The following GMPS variants were observed in gnomAD, a reference collection of about 807,000 sequenced individuals.
The protein encoded by GMPS is guanosine monophosphate synthase.
In GMPS, 15 loss-of-function variants were observed where a neutral mutation model predicts 77.9. The observed-to-expected ratio is 0.19, with a 90% CI of 0.13 to 0.30. The LOEUF is 0.30. Ranked by LOEUF, GMPS falls within the 10% of genes least tolerant of loss-of-function variation. The probability of loss-of-function intolerance (pLI) is 1.00; values close to 1 mark genes in which losing one functional copy is unlikely to be tolerated. For missense variants in GMPS, 590 were observed against 838.8 expected, an observed-to-expected ratio of 0.70 and a Z score of 3.66; for synonymous variants, 224 against 275.9, an observed-to-expected ratio of 0.81 and a Z score of 1.86.
chr3:155,935,147 G>T, intron 14 of GMPS, 101 bp downstream of exon 14: 1 of 785,698 alleles, frequency 1.3e-6, no homozygotes, highest in Non-Finnish European at 2.2e-6. Flanking sequence ...AGATGCTTTT[G>T]TTTTTATTAT....
At position 155,891,700 on chromosome 3, in the gene GMPS, G is replaced by A. The variant is rs1754471176; in HGVS notation, c.28-1818G>A. 2.7e-5 allele frequency among the ~76,000 whole-genome samples: 4 copies of A among 150,028 alleles called. 1 individual carries two copies. The South Asian group carries it at 8.4e-4, about 31-fold the overall frequency. On this transcript the variant is annotated intron_variant, in intron 1 of 15. Transcript: ENST00000496455. Reference sequence around the variant, plus strand: ...TGGCTCACGGCAACTTCCGCCTCCTGGGTTCAAGTGATTCTCCTGCCTCAG... The same window carrying A: ...TGGCTCACGGCAACTTCCGCCTCCTAGGTTCAAGTGATTCTCCTGCCTCAG...
intron 5 of GMPS, among the ~76,000 whole-genome samples, chr3:155,906,548 T>C (rs988853487): frequency 2.0e-5 from 3 of 152,230 alleles, no homozygotes; most frequent in Non-Finnish European, 2.9e-5. Flanking sequence ...ACTATACTTT[T>C]GTAACTCAGG....
intron 3 of GMPS, among the ~76,000 whole-genome samples, chr3:155,900,534 A>T (rs1023970165): frequency 1.3e-5 from 2 of 152,130 alleles, no homozygotes; most frequent in African/African-American, 4.8e-5. Context: ...ATCTCACAAG[A>T]TATATTTTTA....
intron 11 of GMPS, among the ~76,000 whole-genome samples, chr3:155,924,536 A>G (rs771504920): frequency 6.6e-6 from 1 of 152,174 alleles, no homozygotes; most frequent in Non-Finnish European, 1.5e-5. Flanking sequence ...AACTACTGCA[A>G]GAATAGAAAT....
intron 12 of GMPS, among the ~76,000 whole-genome samples, chr3:155,929,239 T>G (rs912516585): frequency 1.5e-4 from 22 of 151,224 alleles, no homozygotes; most frequent in African/African-American, 5.3e-4. Context: ...CTAACTGGTG[T>G]GAGATGGTAT....
In GMPS at chr3:155,897,909, T is replaced by C. The variant is rs2108081089; in HGVS notation, c.210-18T>C. The C allele has an allele frequency of 8.5e-7, 1 of 1,182,176 alleles. No individual in the cohort carries two copies. Among genetic ancestry groups the C allele is most frequent in the Admixed American group, 1.7e-5 (1 of 59,458 alleles). The allele number at this position is 1,182,176 out of a possible 1,614,324, so 73.2% of individuals were successfully genotyped here. On this transcript the variant is annotated intron_variant, in intron 2 of 15. Transcript: ENST00000496455. ...AAAATTAACAGAGATTCTTCACTGATTGTTCCTTAAATCACAGTGCTATTA... is the reference window on the plus strand; with the variant it reads ...AAAATTAACAGAGATTCTTCACTGACTGTTCCTTAAATCACAGTGCTATTA...
At position 155,905,349 on chromosome 3, in the gene GMPS, C is replaced by T. The variant is rs142593363; in HGVS notation, c.423-811C>T. 7.8e-4 allele frequency among the ~76,000 whole-genome samples: 119 copies of T among 152,250 alleles called. 1 individual carries two copies. Among genetic ancestry groups the T allele is most frequent in the African/African-American group, 2.5e-3 (102 of 41,562 alleles). ...GAGTTCTTAGTCAGATTTTCCATAACGTAAACAGTATATTTTTATGGTTGA... is the reference window on the plus strand; with the variant it reads ...GAGTTCTTAGTCAGATTTTCCATAATGTAAACAGTATATTTTTATGGTTGA... On this transcript the variant is annotated intron_variant, in intron 4 of 15. Transcript: ENST00000496455.
At chr3:155,880,604 T>C (rs1415606474) in intron 1 of GMPS, among the ~76,000 whole-genome samples, 1 of 152,234 alleles carries the variant, frequency 6.6e-6, no homozygotes, top group Non-Finnish European at 1.5e-5. Flanking sequence ...AATCAAGATA[T>C]AGAACATTTC....
At chr3:155,931,962 A>G (rs932854627) in intron 13 of GMPS, 82 bp downstream of exon 13, 18 of 687,646 alleles carry the variant, frequency 2.6e-5, no homozygotes, top group South Asian at 5.2e-5. Context: ...TGGAAGACCA[A>G]AAGGCTCAAA....
rs9868194 is a variant in GMPS, at chr3:155,870,906, G to T, written c.27+9G>T. Reference sequence around the variant, plus strand: ...GCAACGGAGACTCCAAGGTCAGCGTGGGGGTCCCTGCAGCACCGCATCCCG... The same window carrying T: ...GCAACGGAGACTCCAAGGTCAGCGTTGGGGTCCCTGCAGCACCGCATCCCG... On this transcript the variant is annotated intron_variant, in intron 1 of 15. Coordinates refer to ENST00000496455, the MANE Select transcript of GMPS (RefSeq NM_003875.3). The T allele has an allele frequency of 3.3e-3, 4,912 of 1,499,942 alleles. 126 individuals are homozygous for T. In the African/African-American group the frequency reaches 0.061, roughly 19 times the overall value. The allele number at this position is 1,499,942 out of a possible 1,614,324, so 92.9% of individuals were successfully genotyped here. A position where few individuals can be genotyped will look rare whatever the true frequency, so the allele number is the denominator to read the frequency against.
At chr3:155,897,627 C>G (rs1345899314) in intron 2 of GMPS, among the ~76,000 whole-genome samples, 1 of 152,144 alleles carries the variant, frequency 6.6e-6, no homozygotes. Flanking sequence ...ACAAGTAAAA[C>G]AAATCCATGC....
chr3:155,919,298 T>C lies in GMPS; in HGVS notation c.1278T>C (p.Leu426=). 1.3e-6 allele frequency: 2 copies of C among 1,595,972 alleles called. No homozygotes were observed. Among genetic ancestry groups the C allele is most frequent in the Non-Finnish European group, 1.7e-6 (2 of 1,168,596 alleles). ...AAGTGAGAATTTTGGGCAGAGAACT[T>C]GGACTTCCAGAAGAGTTAGTTTCCA... ...KDEVRILGRE[L]GLPEELVSRH... The change falls in exon 10 of 16, where the codon CTT becomes CTC. Residue 426 remains leucine, a synonymous_variant. Transcript: ENST00000496455.
rs1755896238 is a variant in GMPS, at chr3:155,941,684, A to G, written c.*3992A>G. 4.5e-6 allele frequency: 1 copy of G among 222,984 alleles called. No individual in the cohort carries two copies. The highest frequency in any genetic ancestry group is 1.8e-4 in the South Asian group (1 of 5,444). The allele number at this position is 222,984 out of a possible 1,614,324, so 13.8% of individuals were successfully genotyped here. On this transcript the variant is annotated 3_prime_UTR_variant, in exon 16 of 16. Transcript: ENST00000496455. The stretch of plus-strand genomic sequence containing the variant: ...AGAATGTAATGGGGAACTGAATACA[A>G]GTTGGATGTCTCCACCCTTGGAAAG...
intron 9 of GMPS, among the ~76,000 whole-genome samples, chr3:155,917,963 G>A (rs921773394): frequency 6.6e-6 from 1 of 152,120 alleles, no homozygotes; most frequent in Admixed American, 6.5e-5. Context: ...TTATCTTTTG[G>A]ATATATGCCC....
At chr3:155,874,309 T>C (rs1029326650) in intron 1 of GMPS, among the ~76,000 whole-genome samples, 10 of 152,214 alleles carry the variant, frequency 6.6e-5, no homozygotes, top group Non-Finnish European at 8.8e-5. Context: ...ATGACTAGGT[T>C]ATATCATACT....
At chr3:155,908,336 G>A (rs1018495407) in intron 5 of GMPS, among the ~76,000 whole-genome samples, 7 of 152,314 alleles carry the variant, frequency 4.6e-5, no homozygotes, top group African/African-American at 1.2e-4. Flanking sequence ...TGGTGACCTC[G>A]GATTCAATCT....
upstream of GMPS, chr3:155,870,632 G>A (rs543257801): frequency 4.5e-5 from 21 of 465,968 alleles, no homozygotes; most frequent in African/African-American, 3.7e-4. Context: ...GGCCGGGGCG[G>A]AAGCAGGAGG....
At position 155,912,370 on chromosome 3, in the gene GMPS, AG is replaced by A. The variant is rs563870045; in HGVS notation, c.886+1097del. On this transcript the variant is annotated intron_variant, in intron 7 of 15. Coordinates refer to ENST00000496455, the MANE Select transcript of GMPS (RefSeq NM_003875.3). ...AAGGTGGATTTTCTCTGTTTAAGCT[AG>A]GGGGGTCTCTCCCAACATCCTGGGA... 9.8e-5 allele frequency among the ~76,000 whole-genome samples: 15 copies of A among 152,342 alleles called. No individual in the cohort carries two copies. In the East Asian group the frequency reaches 2.5e-3, roughly 25 times the overall value.
At position 155,896,649 on chromosome 3, in the gene GMPS, G is replaced by A. The variant is rs576433319; in HGVS notation, c.210-1278G>A. Among the ~76,000 whole-genome samples, 6 of 150,694 alleles carry A rather than the reference G, an allele frequency of 4.0e-5. No individual in the cohort carries two copies. In the East Asian group the frequency reaches 1.2e-3, roughly 29 times the overall value. Reference sequence around the variant, plus strand: ...TTGCCCAGGCTGGTCTCGAGCTCCTGGGCTCAAGCAATCTGCCCGTCTCTG... The same window carrying A: ...TTGCCCAGGCTGGTCTCGAGCTCCTAGGCTCAAGCAATCTGCCCGTCTCTG... On this transcript the variant is annotated intron_variant, in intron 2 of 15. Transcript: ENST00000496455.
Sources: gnomAD v4.1 joint callset for allele counts (sites outside exome capture counted in the v4.1 genomes callset) on GRCh38, gnomAD v4.1.1 for gene constraint, MANE v1.5 for transcripts, NCBI Gene and HGNC (gene_info 2026-07-23, HGNC 2026-07-21) for gene names.